The following RAD50 variants were observed in gnomAD, a reference collection of about 807,000 sequenced individuals.
The protein encoded by RAD50 is RAD50 double strand break repair protein.
RAD50 carries 132 observed loss-of-function variants against 168.8 expected under a neutral mutation model. That is an observed-to-expected ratio of 0.78 (90% CI 0.68 to 0.90). The LOEUF is 0.90. Ranked by LOEUF, RAD50 falls within the 40% of genes least tolerant of loss-of-function variation. The probability of loss-of-function intolerance (pLI) is 0.00; values close to 1 mark genes in which losing one functional copy is unlikely to be tolerated. For missense variants in RAD50, 1,347 were observed against 1,534.4 expected (o/e 0.88, Z 2.04); for synonymous variants, 525 against 497.4 (o/e 1.06, Z -0.74).
At chr5:132,630,123 A>G (rs544071538) in intron 21 of RAD50, among the ~76,000 whole-genome samples, 61 of 148,686 alleles carry the variant, frequency 4.1e-4, no homozygotes, top group African/African-American at 1.5e-3. Context: ...GCTCACTGCC[A>G]TCTCCACCTC....
At chr5:132,594,790 G>A in intron 11 of RAD50, 79 bp from the exon 12 acceptor site, 1 of 1,386,358 alleles carries the variant, frequency 7.2e-7, no homozygotes. Context: ...GGCAGAATTT[G>A]TCTTGTTTTT....
At chr5:132,581,285 A>T (rs572088419) in intron 5 of RAD50, among the ~76,000 whole-genome samples, 4 of 151,732 alleles carry the variant, frequency 2.6e-5, no homozygotes. Flanking sequence ...AAAAAATAGA[A>T]TTTTTTGTAT....
At chr5:132,620,796 A>C (rs1751271952) in intron 21 of RAD50, among the ~76,000 whole-genome samples, 1 of 152,230 alleles carries the variant, frequency 6.6e-6, no homozygotes, top group South Asian at 2.1e-4. Flanking sequence ...GAAACAGTTG[A>C]TTAACATATA....
intron 10 of RAD50, 75 bp downstream of exon 10, chr5:132,591,481 A>C (rs901240781): frequency 2.9e-6 from 4 of 1,396,576 alleles, no homozygotes; most frequent in Non-Finnish European, 3.0e-6. Flanking sequence ...TAAGTCATAG[A>C]CTATAAGGTA....
rs1169135426 is a variant in RAD50 at position 132,642,991 on chromosome 5, C to T, written c.*627C>T. ...CAGTACCCACCACCTTCTTCTCCTA[C>T]ATATCCCTTCCAGATGGTCATCCAG... is the stretch of plus-strand genomic sequence containing the variant. On this transcript the variant is annotated 3_prime_UTR_variant, in exon 25 of 25. Transcript: ENST00000378823. 5 of 528,112 alleles carry T rather than the reference C, an allele frequency of 9.5e-6. No homozygotes were observed. Among genetic ancestry groups the T allele is most frequent in the Non-Finnish European group, 1.9e-5 (5 of 261,660 alleles). The allele number at this position is 528,112 out of a possible 1,614,324, so 32.7% of individuals were successfully genotyped here.
chr5:132,637,861 A>G (rs1244542389), intron 22 of RAD50, among the ~76,000 whole-genome samples: 1 of 152,180 alleles, frequency 6.6e-6, no homozygotes, highest in Non-Finnish European at 1.5e-5. Context: ...GGAAACTAAG[A>G]AAGAGTTGAG....
intron 2 of RAD50, among the ~76,000 whole-genome samples, chr5:132,564,414 G>C (rs1431298006): frequency 6.6e-6 from 1 of 152,214 alleles, no homozygotes; most frequent in Non-Finnish European, 1.5e-5. Context: ...CCTGCTCTAG[G>C]AATCTGTGGA....
intron 15 of RAD50, among the ~76,000 whole-genome samples, 197 bp downstream of exon 15, chr5:132,604,243 A>G (rs528128630): frequency 6.6e-6 from 1 of 151,648 alleles, no homozygotes; most frequent in South Asian, 2.1e-4. Flanking sequence ...GTAGGAGAGT[A>G]TGAAATAAGC....
At chr5:132,562,862 C>T (rs1430413253) in intron 2 of RAD50, among the ~76,000 whole-genome samples, 1 of 152,044 alleles carries the variant, frequency 6.6e-6, no homozygotes, top group Non-Finnish European at 1.5e-5. Context: ...GGAGGAGAAG[C>T]TAGTAAAAGA....
At chr5:132,577,292 C>T (rs1382372344) in intron 3 of RAD50, among the ~76,000 whole-genome samples, 1 of 152,214 alleles carries the variant, frequency 6.6e-6, no homozygotes, top group East Asian at 1.9e-4. Context: ...CTGCCTTCCT[C>T]TCTCACATTA....
At chr5:132,591,854 A>G (rs774945244) in intron 10 of RAD50, 23 bp from the exon 11 acceptor site, 1 of 1,549,318 alleles carries the variant, frequency 6.5e-7, no homozygotes, top group Non-Finnish European at 8.9e-7. Context: ...TTTATTTTTA[A>G]AAGATTTTTT....
chr5:132,581,827 G>A (rs1245261232), intron 5 of RAD50, among the ~76,000 whole-genome samples: 1 of 151,998 alleles, frequency 6.6e-6, no homozygotes, highest in African/African-American at 2.4e-5. Context: ...CTCTGTGTGG[G>A]TCCCGTGGTA....
At chr5:132,627,016 G>A (rs1381134368) in intron 21 of RAD50, among the ~76,000 whole-genome samples, 1 of 152,094 alleles carries the variant, frequency 6.6e-6, no homozygotes, top group Admixed American at 6.6e-5. Context: ...AAGTAGCTGG[G>A]ATTACAGGCA....
Position 132,603,476 on chromosome 5 carries a change from T to G in RAD50, c.2384T>G (p.Met795Arg). ...GTATGCCTGACAGATGTTACAATTA[T>G]GGAGAGGTTCCAGGTAAGTTTATTG... is the stretch of plus-strand genomic sequence containing the variant. ...AKVCLTDVTI[M>R]ERFQMELKDV... Residue 795 changes from methionine (M) to arginine (R), a missense_variant, in exon 14 of 25, where the codon ATG becomes AGG. Met to Arg is a moderately conservative substitution (Grantham distance 91). Around this residue, in one of 3 missense-constraint regions of RAD50, gnomAD observed 635 missense variants for 739.2 expected, o/e 0.86. Coordinates refer to ENST00000378823, the MANE Select transcript of RAD50 (RefSeq NM_005732.4). The G allele has an allele frequency of 6.2e-7, 1 of 1,613,836 alleles. No homozygotes were observed. Among genetic ancestry groups the G allele is most frequent in the East Asian group, 2.2e-5 (1 of 44,812 alleles).
chr5:132,612,407 T>C (rs1751103018), intron 19 of RAD50, among the ~76,000 whole-genome samples: 1 of 152,208 alleles, frequency 6.6e-6, no homozygotes, highest in Non-Finnish European at 1.5e-5. Context: ...TCAAATGCTC[T>C]GGAATTGGAT....
At chr5:132,632,789 A>T (rs1751499711) in intron 21 of RAD50, among the ~76,000 whole-genome samples, 1 of 152,240 alleles carries the variant, frequency 6.6e-6, no homozygotes, top group Non-Finnish European at 1.5e-5. Flanking sequence ...TTCCACCAAT[A>T]GTATATGAAA....
intron 2 of RAD50, among the ~76,000 whole-genome samples, chr5:132,567,213 T>A (rs1046046417): frequency 6.6e-6 from 1 of 152,114 alleles, no homozygotes; most frequent in Non-Finnish European, 1.5e-5. Context: ...CCAGTACTTG[T>A]GATTTGGGTT....
At chr5:132,567,955 A>ATT (rs1383847514) in intron 2 of RAD50, among the ~76,000 whole-genome samples, 4 of 152,222 alleles carry the variant, frequency 2.6e-5, no homozygotes, top group African/African-American at 9.6e-5. Context: ...TTTAAAAATT[A>ATT]ATGGGAATAT....
intron 21 of RAD50, among the ~76,000 whole-genome samples, chr5:132,632,196 A>G (rs1308637899): frequency 2.6e-5 from 4 of 152,138 alleles, no homozygotes; most frequent in African/African-American, 9.7e-5. Flanking sequence ...TTTTTTTCCT[A>G]CCTTTGTACT....
Sources: gnomAD v4.1 joint callset for allele counts (sites outside exome capture counted in the v4.1 genomes callset) on GRCh38, gnomAD v4.1.1 for gene constraint, gnomAD v4.1.1 regional missense constraint, MANE v1.5 for transcripts, NCBI Gene and HGNC (gene_info 2026-07-23, HGNC 2026-07-21) for gene names.